The following GRAMD1C variants were observed in gnomAD, a reference collection of about 807,000 sequenced individuals.
The protein encoded by GRAMD1C is GRAM domain containing 1C, also known as protein Aster-C.
GRAMD1C carries 89 observed loss-of-function variants against 97.8 expected under a neutral mutation model. That is an observed-to-expected ratio of 0.91 (90% confidence interval 0.77 to 1.09). The LOEUF (loss-of-function observed/expected upper bound fraction) is 1.09, where lower values mean the gene tolerates loss of function less well. Among genes scored for constraint, GRAMD1C ranks in the 50% least tolerant of loss-of-function variants. The pLI is 0.00. For missense variants in GRAMD1C, 740 were observed against 766.4 expected, an observed-to-expected ratio of 0.97 and a Z score of 0.41; for synonymous variants, 256 against 267.0, an observed-to-expected ratio of 0.96 and a Z score of 0.40.
chr3:113,888,769 A>C (rs1935605679), intron 6 of GRAMD1C, among the ~76,000 whole-genome samples: 1 of 152,248 alleles, frequency 6.6e-6, no homozygotes, highest in South Asian at 2.1e-4. Flanking sequence ...TTTGAAAAAC[A>C]GTTTGGCAGC....
intron 8 of GRAMD1C, among the ~76,000 whole-genome samples, chr3:113,905,445 A>C (rs1432860410): frequency 6.6e-6 from 1 of 152,178 alleles, no homozygotes; most frequent in East Asian, 1.9e-4. Flanking sequence ...ATTGGGATGC[A>C]AGTTTGGGGG....
chr3:113,940,496 G>T, intron 17 of GRAMD1C, 151 bp downstream of exon 17: 12 of 543,432 alleles, frequency 2.2e-5, no homozygotes, highest in South Asian at 5.7e-5. Context: ...AGTATGCAAG[G>T]GTATTACATT....
At chr3:113,937,450 A>T (rs890678297) in intron 14 of GRAMD1C, among the ~76,000 whole-genome samples, 2 of 152,118 alleles carry the variant, frequency 1.3e-5, no homozygotes, top group African/African-American at 4.8e-5. Context: ...ATTTGGAGAG[A>T]TATTTGCTTA....
intron 6 of GRAMD1C, among the ~76,000 whole-genome samples, chr3:113,899,100 G>A (rs1183128083): frequency 2.6e-5 from 4 of 152,096 alleles, no homozygotes; most frequent in Non-Finnish European, 5.9e-5. Flanking sequence ...AGGCATCTGT[G>A]TTGTGGCCCC....
chr3:113,942,923 CT>C (rs1937875380), intron 17 of GRAMD1C, among the ~76,000 whole-genome samples: 1 of 152,160 alleles, frequency 6.6e-6, no homozygotes, highest in Non-Finnish European at 1.5e-5. Flanking sequence ...CTCAGCATTA[CT>C]TTTACTTTAG....
At position 113,869,608 on chromosome 3, in the gene GRAMD1C, CA is replaced by C. The variant is rs760893840; in HGVS notation, c.259+25del. The C allele has an allele frequency of 4.8e-5, 59 of 1,216,698 alleles. 1 individual carries two copies. The highest frequency in any genetic ancestry group is 7.0e-5 in the Admixed American group (3 of 43,070). 75.4% of individuals were successfully genotyped at this position (1,216,698 alleles called of 1,614,324 possible). A position where few individuals can be genotyped will look rare whatever the true frequency, so the allele number is the denominator to read the frequency against. ...TGATAGCAGGTAAAATAGAAATTTT[CA>C]AAAAAAAGTTTTATTACCTCATTAT... On this transcript the variant is annotated intron_variant, in intron 3 of 17. Transcript: ENST00000358160.
chr3:113,838,454 C>T (rs1229492184), upstream of GRAMD1C: 1 of 155,788 alleles, frequency 6.4e-6, no homozygotes, highest in Non-Finnish European at 1.4e-5. Context: ...CGCCTGTAAC[C>T]ACAGCTACTC....
chr3:113,930,533 G>A (rs1174446686), intron 10 of GRAMD1C, among the ~76,000 whole-genome samples, 181 bp from the exon 11 acceptor site: 2 of 152,272 alleles, frequency 1.3e-5, no homozygotes, highest in Non-Finnish European at 2.9e-5. Flanking sequence ...CCACATTTAA[G>A]GAGAGTGCTT....
intron 1 of GRAMD1C, among the ~76,000 whole-genome samples, chr3:113,828,970 A>C (rs1197185044): frequency 6.6e-6 from 1 of 152,216 alleles, no homozygotes; most frequent in Non-Finnish European, 1.5e-5. Flanking sequence ...TAGATTTACA[A>C]ACATTTAATC....
rs754410078 is a variant in GRAMD1C, at chr3:113,869,627, C to T, written c.259+36C>T. The T allele has an allele frequency of 6.7e-6, 6 of 901,254 alleles. No homozygotes were observed. The South Asian group carries it at 8.8e-5, about 13-fold the overall frequency. The allele number at this position is 901,254 out of a possible 1,614,324, so 55.8% of individuals were successfully genotyped here. On this transcript the variant is annotated intron_variant, in intron 3 of 17. Coordinates refer to ENST00000358160, the MANE Select transcript of GRAMD1C (RefSeq NM_017577.5). ...AATTTTCAAAAAAAAGTTTTATTAC[C>T]TCATTATAAAAAGAAAACTGATAAG...
chr3:113,867,500 C>T (rs1255446384), intron 2 of GRAMD1C, among the ~76,000 whole-genome samples: 1 of 152,086 alleles, frequency 6.6e-6, no homozygotes, highest in Non-Finnish European at 1.5e-5. Context: ...CTATTTTGGC[C>T]AGGCCAGTCT....
chr3:113,913,245 C>A (rs535584709), intron 9 of GRAMD1C: 24 of 474,308 alleles, frequency 5.1e-5, no homozygotes, highest in Non-Finnish European at 9.0e-5. Context: ...GTAGTTTCAG[C>A]TGGATGTGGT....
intron 10 of GRAMD1C, among the ~76,000 whole-genome samples, chr3:113,925,110 G>A (rs1168583140): frequency 2.0e-5 from 3 of 151,792 alleles, no homozygotes; most frequent in African/African-American, 7.3e-5. Context: ...TGCTTTTTTT[G>A]TTTTTCATTT....
At chr3:113,930,181 C>T (rs913410296) in intron 10 of GRAMD1C, among the ~76,000 whole-genome samples, 19 of 152,206 alleles carry the variant, frequency 1.2e-4, no homozygotes, top group African/African-American at 4.6e-4. Context: ...ATTATATAAT[C>T]ATTTATGTTC....
chr3:113,908,924 GT>G, intron 8 of GRAMD1C, 33 bp from the exon 9 acceptor site: 1 of 1,384,422 alleles, frequency 7.2e-7, no homozygotes, highest in Non-Finnish European at 9.8e-7. Flanking sequence ...CTAAACCTGT[GT>G]TTTATTTTGA....
intron 4 of GRAMD1C, 167 bp from the exon 5 acceptor site, chr3:113,875,998 T>G (rs968714122): frequency 1.2e-5 from 6 of 516,928 alleles, no homozygotes; most frequent in Non-Finnish European, 2.1e-5. Flanking sequence ...TTACCCTGTT[T>G]TTCTCAGAGA....
chr3:113,850,532 G>C, intron 2 of GRAMD1C: 2 of 1,594,130 alleles, frequency 1.3e-6, no homozygotes, highest in Non-Finnish European at 8.6e-7. Flanking sequence ...GGTACCAGTA[G>C]AAATGTCTCC....
chr3:113,928,971 CT>C (rs57319008), intron 10 of GRAMD1C, among the ~76,000 whole-genome samples: 71,055 of 151,520 alleles, frequency 0.47, 16,983 homozygotes, highest in Middle Eastern at 0.61. Flanking sequence ...GCTTCCAGTT[CT>C]TTTGGGTATA....
chr3:113,914,294 T>G (rs934830689), intron 9 of GRAMD1C, among the ~76,000 whole-genome samples: 8 of 152,340 alleles, frequency 5.3e-5, no homozygotes, highest in African/African-American at 1.9e-4. Context: ...TTTGCCTACG[T>G]AGAGTATTGT....
Sources: allele counts gnomAD v4.1 joint callset (sites outside exome capture counted in the v4.1 genomes callset), GRCh38; gene constraint gnomAD v4.1.1; transcripts MANE v1.5; gene names NCBI Gene and HGNC (gene_info 2026-07-23, HGNC 2026-07-21).